The following PLCXD2 variants were observed in gnomAD, a reference collection of about 807,000 sequenced individuals.
The protein encoded by PLCXD2 is phosphatidylinositol specific phospholipase C X domain containing 2.
In PLCXD2, 21 loss-of-function variants were observed where a neutral mutation model predicts 28.6. That is an observed-to-expected ratio of 0.73 (90% CI 0.52 to 1.06). PLCXD2 has a LOEUF of 1.06. Ranked by LOEUF, PLCXD2 falls within the 50% of genes least tolerant of loss-of-function variation. The pLI is 0.00. For synonymous variants in PLCXD2, 140 were observed against 150.1 expected (o/e 0.93, Z 0.49); for missense variants, 369 against 376.7 (o/e 0.98, Z 0.17).
At chr3:111,724,347 T>C (rs1382012080) in intron 3 of PLCXD2, 3 of 151,936 alleles carry the variant, frequency 2.0e-5, no homozygotes, top group African/African-American at 4.8e-5. Flanking sequence ...AGTCCCAGGA[T>C]TTTATTATAA....
In PLCXD2 at chr3:111,708,122, A is replaced by C; in HGVS notation, c.360A>C (p.Lys120Asn). ...ACTTTGACCTGCGTGTGTCTTCCAA[A>C]CCAGGGGATGCCGACCAGGAGATCT... The change falls in exon 2 of 5, where the codon AAA becomes AAC. Residue 120 changes from lysine (K) to asparagine (N), a missense_variant. Lys to Asn is a moderately conservative substitution (Grantham distance 94). Transcript: ENST00000477665. 6.2e-7 allele frequency: 1 copy of C among 1,614,138 alleles called. No homozygotes were observed. The highest frequency in any genetic ancestry group is 8.5e-7 in the Non-Finnish European group (1 of 1,180,022).
intron 1 of PLCXD2, among the ~76,000 whole-genome samples, chr3:111,680,057 G>A (rs1228941247): frequency 6.6e-6 from 1 of 152,146 alleles, no homozygotes; most frequent in African/African-American, 2.4e-5. Context: ...TGTTGCTAGT[G>A]ATCATTCCCT....
chr3:111,703,393 G>A (rs1455541693), intron 1 of PLCXD2, among the ~76,000 whole-genome samples: 1 of 152,162 alleles, frequency 6.6e-6, no homozygotes, highest in East Asian at 1.9e-4. Context: ...TGATCCCTGG[G>A]GTCCCATTGC....
chr3:111,698,540 A>G (rs1472048088), intron 1 of PLCXD2, among the ~76,000 whole-genome samples: 1 of 152,210 alleles, frequency 6.6e-6, no homozygotes, highest in African/African-American at 2.4e-5. Flanking sequence ...CAGAAAAATG[A>G]TTTGTTGGTA....
At chr3:111,684,841 G>T (rs1940770235) in intron 1 of PLCXD2, among the ~76,000 whole-genome samples, 1 of 152,100 alleles carries the variant, frequency 6.6e-6, no homozygotes, top group Non-Finnish European at 1.5e-5. Context: ...CATCCAAGTG[G>T]GAGGCGACCC....
chr3:111,676,015 T>C (rs571376014), intron 1 of PLCXD2, among the ~76,000 whole-genome samples: 1 of 152,326 alleles, frequency 6.6e-6, no homozygotes, highest in East Asian at 1.9e-4. Flanking sequence ...TCTGTATGTA[T>C]GTATGTATAC....
chr3:111,687,234 G>A (rs1055669219), intron 1 of PLCXD2, among the ~76,000 whole-genome samples: 4 of 152,188 alleles, frequency 2.6e-5, no homozygotes, highest in African/African-American at 9.7e-5. Flanking sequence ...GAGATAAATA[G>A]CACTCAATGT....
chr3:111,718,422 G>C (rs1165969942), intron 3 of PLCXD2, among the ~76,000 whole-genome samples: 1 of 151,838 alleles, frequency 6.6e-6, no homozygotes, highest in Non-Finnish European at 1.5e-5. Context: ...CCAAGATCGC[G>C]CCTCTGCACT....
chr3:111,694,271 C>A (rs1940929236), intron 1 of PLCXD2, among the ~76,000 whole-genome samples: 1 of 152,150 alleles, frequency 6.6e-6, no homozygotes, highest in Non-Finnish European at 1.5e-5. Context: ...ATACCCCTAC[C>A]CACTGCTTAA....
rs1018721117 is a variant in PLCXD2, at chr3:111,708,075, C to G, written c.313C>G (p.Gln105Glu). 4.3e-6 allele frequency: 7 copies of G among 1,614,126 alleles called. No individual in the cohort carries two copies. The highest frequency in any genetic ancestry group is 5.9e-6 in the Non-Finnish European group (7 of 1,180,052). ...GACTCAGAACCTGACATTTCGAGAACAGCTGGAAGCTGGGATCCGCTACTT... is the reference window on the plus strand; with the variant it reads ...GACTCAGAACCTGACATTTCGAGAAGAGCTGGAAGCTGGGATCCGCTACTT... Residue 105 changes from glutamine (Q) to glutamate (E), a missense_variant, in exon 2 of 5, where the codon CAG becomes GAG. Coordinates refer to ENST00000477665, the MANE Select transcript of PLCXD2 (RefSeq NM_001185106.1).
At chr3:111,709,381 TAAAC>T (rs1941167919) in intron 2 of PLCXD2, among the ~76,000 whole-genome samples, 1 of 152,036 alleles carries the variant, frequency 6.6e-6, no homozygotes, top group Admixed American at 6.5e-5. Context: ...ATAGAGATAA[TAAAC>T]ATACATATAT....
At chr3:111,685,978 A>G (rs752692221) in intron 1 of PLCXD2, among the ~76,000 whole-genome samples, 5 of 152,172 alleles carry the variant, frequency 3.3e-5, no homozygotes, top group Non-Finnish European at 5.9e-5. Context: ...GTTGGAGCTA[A>G]CTTGGGGAAT....
At chr3:111,685,511 A>G (rs1028176067) in intron 1 of PLCXD2, among the ~76,000 whole-genome samples, 6 of 152,232 alleles carry the variant, frequency 3.9e-5, no homozygotes. Flanking sequence ...GGTTGCACCA[A>G]TAAGCTCAAA....
chr3:111,720,815 A>T (rs1232541601), intron 3 of PLCXD2: 1 of 416,700 alleles, frequency 2.4e-6, no homozygotes. Flanking sequence ...GACCTGGTGG[A>T]CTTTGCTGCG....
At chr3:111,726,004 C>T in intron 3 of PLCXD2, 1 of 397,090 alleles carries the variant, frequency 2.5e-6, no homozygotes. Flanking sequence ...TTGCTTCTTA[C>T]TCTTTTCAAA....
intron 2 of PLCXD2, among the ~76,000 whole-genome samples, chr3:111,710,601 A>G (rs1254627534): frequency 1.3e-5 from 2 of 152,200 alleles, no homozygotes; most frequent in Non-Finnish European, 2.9e-5. Context: ...GAGTTCTTAC[A>G]GCTTCTCATG....
chr3:111,709,912 G>A (rs1330680865), intron 2 of PLCXD2, among the ~76,000 whole-genome samples: 5 of 152,280 alleles, frequency 3.3e-5, no homozygotes, highest in South Asian at 2.1e-4. Context: ...AGATCTCTCC[G>A]GTTGCAATAC....
chr3:111,713,834 A>G, intron 2 of PLCXD2, 53 bp from the exon 3 acceptor site: 1 of 1,580,428 alleles, frequency 6.3e-7, no homozygotes, highest in Non-Finnish European at 8.6e-7. Flanking sequence ...CGGAGGAGTT[A>G]ACATTCAGCA....
intron 3 of PLCXD2, among the ~76,000 whole-genome samples, chr3:111,718,193 A>G (rs1239213104): frequency 6.6e-6 from 1 of 152,272 alleles, no homozygotes; most frequent in South Asian, 2.1e-4. Context: ...GGCCAGGCGC[A>G]GTGGCTCACG....
Sources: allele counts gnomAD v4.1 joint callset (sites outside exome capture counted in the v4.1 genomes callset), GRCh38; gene constraint gnomAD v4.1.1; transcripts MANE v1.5; gene names NCBI Gene and HGNC (gene_info 2026-07-23, HGNC 2026-07-21).